Variants in ANKS6 observed in about 807,000 individuals in gnomAD.
ANKS6 encodes ankyrin repeat and sterile alpha motif domain containing 6, also known as ankyrin repeat and SAM domain-containing protein 6.
In ANKS6, 47 loss-of-function variants were observed where a neutral mutation model predicts 77.9. The observed-to-expected ratio is 0.60, with a 90% confidence interval of 0.48 to 0.77. The LOEUF (loss-of-function observed/expected upper bound fraction) is 0.77. Ranked by LOEUF, ANKS6 falls within the 30% of genes least tolerant of loss-of-function variation. ANKS6 has a pLI of 0.00. For synonymous variants in ANKS6, 488 were observed against 501.7 expected (o/e 0.97, Z 0.37); for missense variants, 1,150 against 1,159.1 (o/e 0.99, Z 0.11).
At chr9:98,778,182 C>T in intron 7 of ANKS6, 44 bp downstream of exon 7, 1 of 1,606,956 alleles carries the variant, frequency 6.2e-7, no homozygotes, top group Non-Finnish European at 8.5e-7. Context: ...GGTACAGGCT[C>T]AGACCATTCC....
Position 98,736,542 on chromosome 9 carries a change from G to A in ANKS6, c.2593C>T (p.Pro865Ser), listed in dbSNP as rs199851177. ...GATCACGCACAGGGGCTGTTGCCAG[G>A]GGCCCTGGTGTTGCTGGCACTGCTC... ...FESSASNTRA[P>S]GNSPCA Residue 865 changes from proline to serine, a missense_variant, in exon 15 of 15, where the codon CCT becomes TCT. By Grantham distance (74) the Pro-to-Ser change is moderately conservative. Transcript: ENST00000353234. 4.9e-4 allele frequency: 792 copies of A among 1,612,498 alleles called. 7 individuals are homozygous for A. In the East Asian group the frequency reaches 9.9e-3, roughly 20 times the overall value.
At chr9:98,742,289 AG>A (rs1831880064) in intron 14 of ANKS6, among the ~76,000 whole-genome samples, 1 of 152,252 alleles carries the variant, frequency 6.6e-6, no homozygotes, top group Admixed American at 6.5e-5. Context: ...TGTCAAGGTC[AG>A]GCAAGTCCAG....
chr9:98,782,694 G>T lies in ANKS6; in HGVS notation c.1113-121C>A, dbSNP rs554000043. 232 of 731,162 alleles carry T rather than the reference G, an allele frequency of 3.2e-4. 2 individuals carry two copies. Among genetic ancestry groups the T allele is most frequent in the Middle Eastern group, 2.3e-3 (7 of 3,100 alleles). The allele number at this position is 731,162 out of a possible 1,614,324, so 45.3% of individuals were successfully genotyped here. Reference sequence around the variant, plus strand: ...GAGCATTTAAGAAGGACATGGAAGGGCAAACAGTCTCACATTCTCTCATTC... The same window carrying T: ...GAGCATTTAAGAAGGACATGGAAGGTCAAACAGTCTCACATTCTCTCATTC... On this transcript the variant is annotated intron_variant, in intron 4 of 14. Transcript: ENST00000353234.
At chr9:98,739,928 T>A (rs1026879805) in intron 14 of ANKS6, among the ~76,000 whole-genome samples, 5 of 151,868 alleles carry the variant, frequency 3.3e-5, no homozygotes, top group Admixed American at 3.3e-4. Context: ...GCTAATTTTT[T>A]GTATTTTTAG....
chr9:98,764,563 T>C (rs538120947), intron 11 of ANKS6, among the ~76,000 whole-genome samples: 31 of 152,362 alleles, frequency 2.0e-4, no homozygotes, highest in African/African-American at 7.2e-4. Context: ...TATGTGTTTC[T>C]TCTTTCTTCT....
intron 10 of ANKS6, among the ~76,000 whole-genome samples, chr9:98,769,455 A>G (rs1437738405): frequency 6.6e-6 from 1 of 152,250 alleles, no homozygotes; most frequent in Non-Finnish European, 1.5e-5. Context: ...ATCTAGGAAC[A>G]GCCTCAGTGT....
chr9:98,771,145 C>A (rs1220639199), intron 9 of ANKS6, 99 bp from the exon 10 acceptor site: 5 of 1,302,128 alleles, frequency 3.8e-6, no homozygotes, highest in African/African-American at 1.5e-5. Context: ...CTGGTGCATA[C>A]CCCACCAAAG....
chr9:98,738,475 A>C (rs1831622956), intron 14 of ANKS6, among the ~76,000 whole-genome samples: 1 of 152,210 alleles, frequency 6.6e-6, no homozygotes, highest in Non-Finnish European at 1.5e-5. Context: ...GCCAGCAAAC[A>C]TATGAAAAAA....
chr9:98,796,118 G>A lies in ANKS6; in HGVS notation c.359+15C>T. On this transcript the variant is annotated intron_variant, in intron 1 of 14. Transcript: ENST00000353234. ...CACCACTCTGGTCCCGGGCCCCCGG[G>A]CCCCGCCGCCTCACCTGGCCGCCTG... 1 of 1,338,914 alleles carries A rather than the reference G, an allele frequency of 7.5e-7. No homozygotes were observed. 82.9% of individuals were successfully genotyped at this position (1,338,914 alleles called of 1,614,324 possible). A position where few individuals can be genotyped will look rare whatever the true frequency, so the allele number is the denominator to read the frequency against.
chr9:98,778,999 T>A (rs540991758), intron 6 of ANKS6, among the ~76,000 whole-genome samples: 2 of 152,050 alleles, frequency 1.3e-5, no homozygotes, highest in East Asian at 3.9e-4. Flanking sequence ...AGGGCATCTG[T>A]GAGGGCCTGC....
chr9:98,735,454 A>C lies in ANKS6; in HGVS notation c.*1065T>G, dbSNP rs1588306589. On this transcript the variant is annotated 3_prime_UTR_variant, in exon 15 of 15. Transcript: ENST00000353234. ...AAAGTCAGGGCCCCTCTAATTTAAT[A>C]AAATATGATATGGTAGGAAACTACA... is the stretch of plus-strand genomic sequence containing the variant. The C allele has an allele frequency of 1.7e-6, 2 of 1,209,176 alleles. No individual in the cohort carries two copies. The highest frequency in any genetic ancestry group is 3.4e-5 in the East Asian group (1 of 29,538). The allele number at this position is 1,209,176 out of a possible 1,614,324, so 74.9% of individuals were successfully genotyped here.
chr9:98,735,772 C>CT lies in ANKS6; in HGVS notation c.*746dup. 8.1e-7 allele frequency: 1 copy of CT among 1,231,758 alleles called. No individual in the cohort carries two copies. The highest frequency in any genetic ancestry group is 1.0e-6 in the Non-Finnish European group (1 of 987,986). The allele number at this position is 1,231,758 out of a possible 1,614,324, so 76.3% of individuals were successfully genotyped here. On this transcript the variant is annotated 3_prime_UTR_variant, in exon 15 of 15. Coordinates refer to ENST00000353234, the MANE Select transcript of ANKS6 (RefSeq NM_173551.5). Reference sequence around the variant, plus strand: ...CACTTCTTTCCTTCTATAATAGACTCTCTTTGCAATAAAGAAAAATGCGTT... The same window carrying CT: ...CACTTCTTTCCTTCTATAATAGACTCTTCTTTGCAATAAAGAAAAATGCGTT...
intron 5 of ANKS6, among the ~76,000 whole-genome samples, chr9:98,782,005 A>C (rs1411095596): frequency 4.6e-5 from 7 of 152,124 alleles, no homozygotes; most frequent in Non-Finnish European, 1.0e-4. Flanking sequence ...ATGGGGTGGA[A>C]CTAACGGCTA....
intron 11 of ANKS6, among the ~76,000 whole-genome samples, chr9:98,759,966 A>T (rs1191437203): frequency 6.6e-6 from 1 of 152,202 alleles, no homozygotes; most frequent in African/African-American, 2.4e-5. Context: ...TCAAAAAGCT[A>T]GAAGGAGGAT....
chr9:98,792,749 A>C (rs1198349371), intron 1 of ANKS6, among the ~76,000 whole-genome samples: 1 of 152,242 alleles, frequency 6.6e-6, no homozygotes, highest in East Asian at 1.9e-4. Flanking sequence ...AGTGGAAAGC[A>C]ATTAATCTAA....
At chr9:98,740,230 G>A (rs1831749632) in intron 14 of ANKS6, among the ~76,000 whole-genome samples, 1 of 152,056 alleles carries the variant, frequency 6.6e-6, no homozygotes, top group Admixed American at 6.5e-5. Flanking sequence ...CACCTCTTGT[G>A]CTGATGAGGC....
At position 98,768,145 on chromosome 9, in the gene ANKS6, G is replaced by C. The variant is rs756412369; in HGVS notation, c.2078C>G (p.Ala693Gly). ...PSHRSSPVGP[A>G]PGSSPSELPA... is the part of the protein sequence containing the mutation. ...AAGCTCAGACGGGCTGGACCCCGGTGCTGGCCCCACAGGGCTTGACCGATG... is the reference window on the plus strand; with the variant it reads ...AAGCTCAGACGGGCTGGACCCCGGTCCTGGCCCCACAGGGCTTGACCGATG... The change falls in exon 11 of 15, where the codon GCA (alanine) becomes GGA (glycine). Residue 693 changes from alanine to glycine, a missense_variant. Coordinates refer to ENST00000353234, the MANE Select transcript of ANKS6 (RefSeq NM_173551.5). The C allele has an allele frequency of 4.3e-6, 7 of 1,613,770 alleles. No homozygotes were observed. The highest frequency in any genetic ancestry group is 5.9e-6 in the Non-Finnish European group (7 of 1,179,956).
chr9:98,790,276 C>T lies in ANKS6; in HGVS notation c.690G>A (p.Met230Ile), dbSNP rs201704559. 87 of 1,604,116 alleles carry T rather than the reference C, an allele frequency of 5.4e-5. 3 individuals carry two copies. The Middle Eastern group carries it at 6.8e-3, about 125-fold the overall frequency. Residue 230 changes from methionine to isoleucine, a missense_variant, in exon 2 of 15, where the codon ATG (methionine) becomes ATA (isoleucine). Physicochemically the swap from Met to Ile is conservative, Grantham distance 10. Coordinates refer to ENST00000353234, the MANE Select transcript of ANKS6 (RefSeq NM_173551.5). ...CAAGCCGCCCAGTGAGTGCGGCCAG[C>T]ATCAGCGGGCTCCAGCCCACGGTCC... ...AARTVGWSPL[M>I]LAALTGRLGV...
At chr9:98,766,320 ATGC>A (rs1833286767) in intron 11 of ANKS6, among the ~76,000 whole-genome samples, 1 of 152,162 alleles carries the variant, frequency 6.6e-6, no homozygotes, top group African/African-American at 2.4e-5. Context: ...TAACTTGGAA[ATGC>A]CTTATTTCCA....
Sources: allele counts gnomAD v4.1 joint callset (sites outside exome capture counted in the v4.1 genomes callset), GRCh38; gene constraint gnomAD v4.1.1; transcripts MANE v1.5; gene names NCBI Gene and HGNC (gene_info 2026-07-23, HGNC 2026-07-21).